The following PAK5 variants were observed in gnomAD, a reference collection of about 807,000 sequenced individuals.
PAK5 encodes p21 (RAC1) activated kinase 5.
A neutral mutation model predicts 65.9 loss-of-function variants in PAK5; 16 were observed. The ratio of observed to expected loss-of-function variants is 0.24; its 90% CI spans 0.16 to 0.37. The LOEUF is 0.37. PAK5 is among the 10% of genes least tolerant of loss of function. The pLI is 1.00. For synonymous variants in PAK5, 371 were observed against 354.9 expected (o/e 1.05, Z -0.51); for missense variants, 785 against 903.9 (o/e 0.87, Z 1.69).
At chr20:9,575,247 T>G in intron 4 of PAK5, among the ~76,000 whole-genome samples, 1 of 152,066 alleles carries the variant, frequency 6.6e-6, no homozygotes, top group Admixed American at 6.5e-5. Flanking sequence ...TAGGCTGGAG[T>G]GTAGTAGTGT....
intron 7 of PAK5, among the ~76,000 whole-genome samples, chr20:9,547,322 A>C (rs186501914): frequency 2.4e-4 from 37 of 152,318 alleles, no homozygotes; most frequent in African/African-American, 5.3e-4. Flanking sequence ...AGAGAGAAGA[A>C]AATGCCACTC....
chr20:9,767,385 T>C (rs900917245), intron 1 of PAK5, among the ~76,000 whole-genome samples: 7 of 152,312 alleles, frequency 4.6e-5, no homozygotes, highest in Middle Eastern at 3.4e-3. Context: ...TCTGCTTAAA[T>C]GTCACCTCCT....
chr20:9,836,347 T>C (rs1474698879), intron 1 of PAK5, among the ~76,000 whole-genome samples: 1 of 152,194 alleles, frequency 6.6e-6, no homozygotes, highest in African/African-American at 2.4e-5. Flanking sequence ...TGAGGTCATA[T>C]TGAATAAGGA....
At chr20:9,793,500 C>T (rs1329228368) in intron 1 of PAK5, among the ~76,000 whole-genome samples, 1 of 151,900 alleles carries the variant, frequency 6.6e-6, no homozygotes. Flanking sequence ...ATATCCTTTG[C>T]CCACTTTTTG....
intron 3 of PAK5, among the ~76,000 whole-genome samples, chr20:9,616,797 G>A (rs1264054062): frequency 2.0e-5 from 3 of 152,222 alleles, no homozygotes; most frequent in African/African-American, 7.2e-5. Flanking sequence ...TCTAAGGATA[G>A]AAGTCCAGGG....
chr20:9,631,088 T>A (rs1344651393), intron 3 of PAK5, among the ~76,000 whole-genome samples: 5 of 152,186 alleles, frequency 3.3e-5, no homozygotes, highest in Admixed American at 3.3e-4. Flanking sequence ...GATGCTGCAA[T>A]GAGATGAGAC....
In PAK5 at chr20:9,637,464, C is replaced by G. The variant is rs547189560; in HGVS notation, c.204+6661G>C. On this transcript the variant is annotated intron_variant, in intron 3 of 9. Coordinates refer to ENST00000353224, the MANE Select transcript of PAK5 (RefSeq NM_177990.4). ...CTCCCTAAAAGAGTCTGAGGAACCC[C>G]CCATAGGTTTAGACCACACTTTTGA... Among the ~76,000 whole-genome samples, 16 of 152,098 alleles carry G rather than the reference C, an allele frequency of 1.1e-4. No individual in the cohort carries two copies. The South Asian group carries it at 3.3e-3, about 32-fold the overall frequency.
At chr20:9,607,480 TAAGTGGCAG>T (rs2046476050) in intron 3 of PAK5, among the ~76,000 whole-genome samples, 1 of 152,166 alleles carries the variant, frequency 6.6e-6, no homozygotes, top group African/African-American at 2.4e-5. Flanking sequence ...ACCTGATAAA[TAAGTGGCAG>T]TAAGGTCTCA....
chr20:9,746,736 G>T (rs970039621), intron 1 of PAK5, among the ~76,000 whole-genome samples: 1 of 152,012 alleles, frequency 6.6e-6, no homozygotes, highest in African/African-American at 2.4e-5. Context: ...CACAGGAACC[G>T]CACAGACATT....
intron 1 of PAK5, among the ~76,000 whole-genome samples, chr20:9,830,732 A>G (rs1440545608): frequency 6.6e-6 from 1 of 152,210 alleles, no homozygotes; most frequent in African/African-American, 2.4e-5. Flanking sequence ...TGGCTCCAAG[A>G]GGAAAATGTA....
At chr20:9,731,080 G>A (rs16996329) in intron 1 of PAK5, among the ~76,000 whole-genome samples, 1 of 152,120 alleles carries the variant, frequency 6.6e-6, no homozygotes, top group Admixed American at 6.5e-5. Context: ...CATTTTGGTT[G>A]AGCATATCCC....
chr20:9,790,224 C>T (rs1433383498), intron 1 of PAK5, among the ~76,000 whole-genome samples: 2 of 152,084 alleles, frequency 1.3e-5, no homozygotes, highest in African/African-American at 4.8e-5. Flanking sequence ...ATCAAGGTTA[C>T]AATACAAACC....
intron 7 of PAK5, 100 bp from the exon 8 acceptor site, chr20:9,544,594 T>G: frequency 9.0e-7 from 1 of 1,113,012 alleles, no homozygotes; most frequent in Non-Finnish European, 1.3e-6. Flanking sequence ...AACAAAACAG[T>G]CTCATCAACA....
intron 1 of PAK5, among the ~76,000 whole-genome samples, chr20:9,748,532 C>G (rs1276022080): frequency 2.6e-5 from 4 of 152,072 alleles, no homozygotes; most frequent in Non-Finnish European, 4.4e-5. Flanking sequence ...GAAATAACAC[C>G]ACATATCTAC....
chr20:9,713,848 G>A (rs530753736), intron 1 of PAK5, among the ~76,000 whole-genome samples: 1 of 152,068 alleles, frequency 6.6e-6, no homozygotes, highest in East Asian at 1.9e-4. Flanking sequence ...TCCAGAGACT[G>A]GAAAGGAAAG....
intron 2 of PAK5, among the ~76,000 whole-genome samples, chr20:9,703,004 T>G (rs2047959296): frequency 6.6e-6 from 1 of 152,102 alleles, no homozygotes; most frequent in Non-Finnish European, 1.5e-5. Context: ...GTGAAGGGAG[T>G]GTCCTCTGGG....
chr20:9,596,433 A>C (rs71330251), intron 3 of PAK5, among the ~76,000 whole-genome samples: 2 of 151,998 alleles, frequency 1.3e-5, no homozygotes, highest in Non-Finnish European at 2.9e-5. Flanking sequence ...TCAGGAGATC[A>C]AGACCATCCT....
intron 2 of PAK5, among the ~76,000 whole-genome samples, chr20:9,710,194 C>T (rs1028463340): frequency 6.6e-6 from 1 of 152,086 alleles, no homozygotes; most frequent in African/African-American, 2.4e-5. Context: ...CAACAATGTT[C>T]TTAGAAGTCA....
intron 3 of PAK5, among the ~76,000 whole-genome samples, chr20:9,639,734 G>A (rs569059543): frequency 6.6e-6 from 1 of 152,232 alleles, no homozygotes; most frequent in Admixed American, 6.5e-5. Context: ...GTGAGTAAGA[G>A]AAGCACAAGG....
Sources: gnomAD v4.1 joint callset for allele counts (sites outside exome capture counted in the v4.1 genomes callset) on GRCh38, gnomAD v4.1.1 for gene constraint, MANE v1.5 for transcripts, NCBI Gene and HGNC (gene_info 2026-07-23, HGNC 2026-07-21) for gene names.